The following CREB5 variants were observed in gnomAD, a reference collection of about 807,000 sequenced individuals.
CREB5 encodes cAMP responsive element binding protein 5, also known as cyclic AMP-responsive element-binding protein 5.
In CREB5, 19 loss-of-function variants were observed where a neutral mutation model predicts 57.1. That is an observed-to-expected ratio of 0.33 (90% CI 0.23 to 0.49). The LOEUF (loss-of-function observed/expected upper bound fraction) is 0.49. CREB5 is among the 20% of genes least tolerant of loss of function. The pLI, the probability that CREB5 is intolerant of heterozygous loss-of-function variation, is 0.99. For synonymous variants in CREB5, 238 were observed against 238.3 expected (o/e 1.00, Z 0.01); for missense variants, 579 against 671.6 (o/e 0.86, Z 1.52).
Position 28,796,292 on chromosome 7 carries a change from C to T in CREB5, c.703-7907C>T, listed in dbSNP as rs555712070. Among the ~76,000 whole-genome samples, 108 of 152,232 alleles carry T rather than the reference C, an allele frequency of 7.1e-4. 1 individual carries two copies. The highest frequency in any genetic ancestry group is 1.1e-3 in the Non-Finnish European group (76 of 68,018). ...TAAATGTAATCATACAAAACATGACCTTTTGTGTCTGGCTTGTTTCATTTA... is the reference window on the plus strand; with the variant it reads ...TAAATGTAATCATACAAAACATGACTTTTTGTGTCTGGCTTGTTTCATTTA... On this transcript the variant is annotated intron_variant, in intron 7 of 10. Transcript: ENST00000357727.
At chr7:28,309,459 C>T (rs1205032822) in intron 1 of CREB5, among the ~76,000 whole-genome samples, 1 of 152,194 alleles carries the variant, frequency 6.6e-6, no homozygotes, top group Non-Finnish European at 1.5e-5. Flanking sequence ...TTTGTGTCCA[C>T]TTTCCTCTGT....
intron 1 of CREB5, among the ~76,000 whole-genome samples, chr7:28,372,110 C>T (rs7782718): frequency 0.078 from 11,821 of 152,128 alleles, 1,542 homozygotes; most frequent in African/African-American, 0.27. Context: ...CTGTGCCAGG[C>T]GCTGGGCTGG....
At chr7:28,736,484 T>G (rs773974367) in intron 7 of CREB5, among the ~76,000 whole-genome samples, 3 of 152,216 alleles carry the variant, frequency 2.0e-5, no homozygotes, top group Non-Finnish European at 2.9e-5. Context: ...CAAAGCACTC[T>G]GTGCACTTAC....
intron 7 of CREB5, among the ~76,000 whole-genome samples, chr7:28,760,163 A>C (rs567733510): frequency 9.2e-5 from 14 of 152,174 alleles, no homozygotes; most frequent in African/African-American, 3.4e-4. Flanking sequence ...TGATTTCCCA[A>C]CTCTGCTAAT....
At chr7:28,786,537 T>G (rs569868815) in intron 7 of CREB5, among the ~76,000 whole-genome samples, 2 of 151,948 alleles carry the variant, frequency 1.3e-5, no homozygotes, top group Non-Finnish European at 2.9e-5. Context: ...TGTGAGCCAC[T>G]GCGCCAGGCC....
chr7:28,609,109 T>G (rs1229492274), intron 5 of CREB5: 1 of 152,240 alleles, frequency 6.6e-6, no homozygotes. Context: ...TTTCTAAAAA[T>G]GCAGACCTGA....
intron 1 of CREB5, among the ~76,000 whole-genome samples, chr7:28,300,628 G>A (rs1472247234): frequency 3.3e-5 from 5 of 152,290 alleles, no homozygotes; most frequent in Middle Eastern, 3.4e-3. Context: ...TTGCCAAAAC[G>A]TTTTGAAACC....
chr7:28,319,566 C>G (rs1050929947), intron 1 of CREB5, among the ~76,000 whole-genome samples: 2 of 152,070 alleles, frequency 1.3e-5, no homozygotes, highest in Non-Finnish European at 2.9e-5. Flanking sequence ...CCACACAGTG[C>G]CTTTCGGTGT....
chr7:28,511,147 A>G (rs1792684733), intron 4 of CREB5, among the ~76,000 whole-genome samples: 1 of 151,992 alleles, frequency 6.6e-6, no homozygotes, highest in South Asian at 2.1e-4. Context: ...AACATGTCAG[A>G]TGGTGATAAG....
chr7:28,675,886 C>T (rs1800297391), intron 5 of CREB5, among the ~76,000 whole-genome samples: 1 of 152,072 alleles, frequency 6.6e-6, no homozygotes, highest in East Asian at 1.9e-4. Context: ...GACATTTTTA[C>T]CAAATGGAAA....
At chr7:28,655,473 T>C (rs1429227886) in intron 5 of CREB5, among the ~76,000 whole-genome samples, 1 of 151,944 alleles carries the variant, frequency 6.6e-6, no homozygotes, top group African/African-American at 2.4e-5. Context: ...TAGCCAGGCA[T>C]TGTGGCACAT....
At chr7:28,734,316 C>T (rs1255145200) in intron 7 of CREB5, among the ~76,000 whole-genome samples, 1 of 149,942 alleles carries the variant, frequency 6.7e-6, no homozygotes, top group African/African-American at 2.5e-5. Context: ...GCCTTCAATA[C>T]ATAGAGGCAA....
chr7:28,315,659 C>T (rs555268033), intron 1 of CREB5, among the ~76,000 whole-genome samples: 4 of 152,314 alleles, frequency 2.6e-5, no homozygotes, highest in South Asian at 2.1e-4. Flanking sequence ...TGTTTGACCT[C>T]GTCCCGACGC....
At chr7:28,706,186 C>T (rs899309306) in intron 5 of CREB5, among the ~76,000 whole-genome samples, 17 of 152,172 alleles carry the variant, frequency 1.1e-4, no homozygotes, top group Non-Finnish European at 1.9e-4. Context: ...GAAACCCCAT[C>T]TCTACTAAAA....
chr7:28,706,145 C>T (rs1297196034), intron 5 of CREB5, among the ~76,000 whole-genome samples: 2 of 152,066 alleles, frequency 1.3e-5, no homozygotes, highest in African/African-American at 4.8e-5. Context: ...ACCTGAGGTC[C>T]GGAGTTCGAG....
chr7:28,334,878 G>A (rs1455289606), intron 1 of CREB5, among the ~76,000 whole-genome samples: 2 of 152,124 alleles, frequency 1.3e-5, no homozygotes, highest in Non-Finnish European at 2.9e-5. Context: ...TTTGATTTTT[G>A]TATATGGTGA....
intron 5 of CREB5, among the ~76,000 whole-genome samples, chr7:28,695,390 G>A (rs1320484059): frequency 1.3e-5 from 2 of 152,206 alleles, no homozygotes; most frequent in Non-Finnish European, 2.9e-5. Context: ...TATTGCCCAG[G>A]CTAATGCTTT....
At position 28,335,388 on chromosome 7, in the gene CREB5, T is replaced by C. The variant is rs112365219; in HGVS notation, c.-25+35947T>C. 6.3e-3 allele frequency among the ~76,000 whole-genome samples: 966 copies of C among 152,220 alleles called. 5 individuals carry two copies. The highest frequency in any genetic ancestry group is 0.022 in the African/African-American group (911 of 41,564). Reference sequence around the variant, plus strand: ...TATTTCTTTTATCAATCTTTTATAGTTTTCATTGTAGAGATATTTCACTTC... The same window carrying C: ...TATTTCTTTTATCAATCTTTTATAGCTTTCATTGTAGAGATATTTCACTTC... On this transcript the variant is annotated intron_variant, in intron 1 of 9. Coordinates refer to the CREB5 transcript ENST00000396299.
chr7:28,343,350 C>G (rs1323973225), intron 1 of CREB5, among the ~76,000 whole-genome samples: 2 of 152,166 alleles, frequency 1.3e-5, no homozygotes, highest in Non-Finnish European at 2.9e-5. Context: ...ACAATCTTTG[C>G]TTATGCTATC....
Sources: allele counts gnomAD v4.1 joint callset (sites outside exome capture counted in the v4.1 genomes callset), GRCh38; gene constraint gnomAD v4.1.1; transcripts MANE v1.5; gene names NCBI Gene and HGNC (gene_info 2026-07-23, HGNC 2026-07-21).